The following NRG3 variants were observed in gnomAD, a reference collection of about 807,000 sequenced individuals.
NRG3 encodes neuregulin 3, also known as pro-neuregulin-3, membrane-bound isoform.
NRG3 carries 31 observed loss-of-function variants against 66.9 expected under a neutral mutation model. The observed-to-expected ratio is 0.46, with a 90% CI of 0.35 to 0.63. NRG3 has a LOEUF of 0.63. Ranked by LOEUF, NRG3 falls within the 20% of genes least tolerant of loss-of-function variation. The pLI is 0.00. For synonymous variants in NRG3, 393 were observed against 359.4 expected (o/e 1.09, Z -1.06); for missense variants, 910 against 878.9 (o/e 1.04, Z -0.45).
chr10:82,540,256 T>G, intron 2 of NRG3, among the ~76,000 whole-genome samples: 1 of 152,056 alleles, frequency 6.6e-6, no homozygotes, highest in Non-Finnish European at 1.5e-5. Flanking sequence ...ATTGTCCCAA[T>G]ATGCTTTAGA....
At chr10:82,821,145 C>T (rs951410384) in intron 3 of NRG3, among the ~76,000 whole-genome samples, 3 of 152,106 alleles carry the variant, frequency 2.0e-5, no homozygotes, top group Non-Finnish European at 4.4e-5. Context: ...TCAGATGGAC[C>T]TTAACTCACC....
At position 82,361,406 on chromosome 10, in the gene NRG3, A is replaced by C. The variant is rs1038367829; in HGVS notation, c.953+2538A>C. Among the ~76,000 whole-genome samples, 6 of 152,238 alleles carry C rather than the reference A, an allele frequency of 3.9e-5. No homozygotes were observed. In the South Asian group the frequency reaches 8.3e-4, roughly 21 times the overall value. On this transcript the variant is annotated intron_variant, in intron 2 of 8. Coordinates refer to ENST00000372141, the MANE Select transcript of NRG3 (RefSeq NM_001010848.4). ...ACTGGTGTGTATGAATAAATCACAC[A>C]TCACATGTGCCTGCTATTCATCTCT...
chr10:82,148,048 A>G (rs2070392292), intron 1 of NRG3, among the ~76,000 whole-genome samples: 1 of 152,120 alleles, frequency 6.6e-6, no homozygotes, highest in Non-Finnish European at 1.5e-5. Context: ...ATTTTTATTC[A>G]TTTCCTTATA....
intron 2 of NRG3, among the ~76,000 whole-genome samples, chr10:82,397,742 T>C (rs924258418): frequency 1.8e-4 from 28 of 152,180 alleles, no homozygotes; most frequent in Admixed American, 1.7e-3. Flanking sequence ...GCTAAACCAA[T>C]ATTTTTCTTT....
intron 2 of NRG3, among the ~76,000 whole-genome samples, chr10:82,573,033 T>G (rs1046238565): frequency 6.6e-6 from 1 of 151,796 alleles, no homozygotes; most frequent in South Asian, 2.1e-4. Flanking sequence ...GAATATGGCA[T>G]AGACTAGCAG....
chr10:82,053,629 A>G (rs981569663), intron 1 of NRG3, among the ~76,000 whole-genome samples: 13 of 152,236 alleles, frequency 8.5e-5, no homozygotes, highest in African/African-American at 2.9e-4. Context: ...TTTAATGGAC[A>G]AACAGGTGAA....
At chr10:82,927,815 T>C (rs980426807) in intron 4 of NRG3, among the ~76,000 whole-genome samples, 9 of 152,222 alleles carry the variant, frequency 5.9e-5, no homozygotes, top group African/African-American at 2.2e-4. Flanking sequence ...CGTGTGCGTG[T>C]GTCTTTATAG....
At chr10:82,489,551 G>C (rs1174684225) in intron 2 of NRG3, among the ~76,000 whole-genome samples, 2 of 152,128 alleles carry the variant, frequency 1.3e-5, no homozygotes, top group African/African-American at 4.8e-5. Flanking sequence ...AATGGTCATA[G>C]TACACCCTCA....
At chr10:82,076,298 A>T (rs1469277522) in intron 1 of NRG3, among the ~76,000 whole-genome samples, 1 of 152,166 alleles carries the variant, frequency 6.6e-6, no homozygotes, top group Non-Finnish European at 1.5e-5. Flanking sequence ...GAATATAAGT[A>T]AGACAGAGAA....
chr10:81,950,880 A>T (rs1288365539), intron 1 of NRG3, among the ~76,000 whole-genome samples: 1 of 152,280 alleles, frequency 6.6e-6, no homozygotes, highest in African/African-American at 2.4e-5. Context: ...ATTTGAATAC[A>T]TATTATTAGT....
chr10:82,924,252 C>T (rs1374701570), intron 4 of NRG3, among the ~76,000 whole-genome samples: 5 of 152,050 alleles, frequency 3.3e-5, no homozygotes, highest in Non-Finnish European at 1.5e-5. Context: ...TCACTGAGAC[C>T]TCAGAGGCAG....
At chr10:82,126,819 A>G (rs570695799) in intron 1 of NRG3, among the ~76,000 whole-genome samples, 3 of 152,160 alleles carry the variant, frequency 2.0e-5, no homozygotes, top group South Asian at 4.1e-4. Context: ...TGGTGTTATC[A>G]TAAGTGCTAG....
chr10:82,367,836 A>G (rs1446030330), intron 2 of NRG3, among the ~76,000 whole-genome samples: 1 of 152,092 alleles, frequency 6.6e-6, no homozygotes, highest in Non-Finnish European at 1.5e-5. Flanking sequence ...TCCACTAAAA[A>G]TACAAAATAT....
intron 1 of NRG3, among the ~76,000 whole-genome samples, chr10:81,952,837 C>A (rs1849503087): frequency 6.6e-6 from 1 of 152,022 alleles, no homozygotes; most frequent in Admixed American, 6.6e-5. Flanking sequence ...TCTAAAACTC[C>A]TGGTCTCAAG....
At chr10:82,730,909 T>C (rs2057867937) in intron 2 of NRG3, among the ~76,000 whole-genome samples, 1 of 152,188 alleles carries the variant, frequency 6.6e-6, no homozygotes. Flanking sequence ...GAACACACTT[T>C]GCATTTAGAC....
At chr10:82,132,362 A>G (rs1215622338) in intron 1 of NRG3, among the ~76,000 whole-genome samples, 1 of 149,162 alleles carries the variant, frequency 6.7e-6, no homozygotes, top group Non-Finnish European at 1.5e-5. Flanking sequence ...ATGTTGAACC[A>G]TCTTTGCATC....
At chr10:82,455,074 G>A (rs1590190888) in intron 2 of NRG3, among the ~76,000 whole-genome samples, 1 of 152,154 alleles carries the variant, frequency 6.6e-6, no homozygotes, top group Non-Finnish European at 1.5e-5. Flanking sequence ...TGAACTCCAA[G>A]CACTCTTTAC....
intron 1 of NRG3, among the ~76,000 whole-genome samples, chr10:82,050,861 T>C (rs2063559768): frequency 9.0e-6 from 1 of 110,544 alleles, no homozygotes; most frequent in Non-Finnish European, 2.2e-5. Context: ...CCACCGTTCA[T>C]CTTTACCCTG....
chr10:82,051,627 C>A (rs1031210650), intron 1 of NRG3, among the ~76,000 whole-genome samples: 1 of 152,092 alleles, frequency 6.6e-6, no homozygotes, highest in Non-Finnish European at 1.5e-5. Context: ...ATTTCAGTTA[C>A]AGATTGATGT....
Sources: allele counts gnomAD v4.1 joint callset (sites outside exome capture counted in the v4.1 genomes callset), GRCh38; gene constraint gnomAD v4.1.1; transcripts MANE v1.5; gene names NCBI Gene and HGNC (gene_info 2026-07-23, HGNC 2026-07-21).